The following ANKK1 variants were observed in gnomAD, a reference collection of about 807,000 sequenced individuals.
ANKK1 encodes the protein ankyrin repeat and kinase domain containing 1.
ANKK1 carries 37 observed loss-of-function variants against 37.6 expected under a neutral mutation model. The ratio of observed to expected loss-of-function variants is 0.98; its 90% confidence interval spans 0.76 to 1.29. The LOEUF (loss-of-function observed/expected upper bound fraction) is 1.29. ANKK1 is among the 50% of genes most tolerant of loss of function. The pLI is 0.00. For synonymous variants in ANKK1, 415 were observed against 418.7 expected (o/e 0.99, Z 0.11); for missense variants, 1,019 against 990.6 (o/e 1.03, Z -0.39).
At chr11:113,396,806 G>A (rs1950642619) in intron 5 of ANKK1, among the ~76,000 whole-genome samples, 1 of 152,302 alleles carries the variant, frequency 6.6e-6, no homozygotes, top group South Asian at 2.1e-4. Flanking sequence ...CACAGCATCT[G>A]GGCCTGGCCC....
chr11:113,394,133 T>C (rs376469341), intron 2 of ANKK1, among the ~76,000 whole-genome samples: 1 of 152,172 alleles, frequency 6.6e-6, no homozygotes, highest in African/African-American at 2.4e-5. Context: ...AAACTCTTTT[T>C]TGCCCCAGGA....
At chr11:113,394,090 G>A (rs1009846981) in intron 2 of ANKK1, among the ~76,000 whole-genome samples, 8 of 152,244 alleles carry the variant, frequency 5.3e-5, no homozygotes, top group Non-Finnish European at 8.8e-5. Flanking sequence ...CAATCCCTAA[G>A]AAAGGTTGTA....
At position 113,400,057 on chromosome 11, in the gene ANKK1, C is replaced by T; in HGVS notation, c.2088C>T (p.Ala696=). ...GCAACAAGGTGGGCTGGACACCCGCCCACCTGGCCGCCCTCAAGGGCAACA... is the reference window on the plus strand; with the variant it reads ...GCAACAAGGTGGGCTGGACACCCGCTCACCTGGCCGCCCTCAAGGGCAACA... ...HARNKVGWTP[A]HLAALKGNTA... The change falls in exon 8 of 8, where the codon GCC becomes GCT. Residue 696 remains alanine (A), a synonymous_variant. Coordinates refer to ENST00000303941, the MANE Select transcript of ANKK1 (RefSeq NM_178510.2). 1.2e-6 allele frequency: 2 copies of T among 1,613,506 alleles called. No homozygotes were observed. The highest frequency in any genetic ancestry group is 1.7e-6 in the Non-Finnish European group (2 of 1,179,812).
intron 1 of ANKK1, among the ~76,000 whole-genome samples, chr11:113,392,523 C>T (rs1376286042): frequency 6.6e-6 from 1 of 152,248 alleles, no homozygotes; most frequent in Non-Finnish European, 1.5e-5. Context: ...TCTCTGACTA[C>T]AGCACCATCA....
chr11:113,387,866 G>T lies in ANKK1; in HGVS notation c.-19G>T. The T allele has an allele frequency of 1.3e-5, 19 of 1,495,870 alleles. No homozygotes were observed. The highest frequency in any genetic ancestry group is 1.7e-5 in the Non-Finnish European group (19 of 1,121,216). The allele number at this position is 1,495,870 out of a possible 1,614,324, so 92.7% of individuals were successfully genotyped here. On this transcript the variant is annotated 5_prime_UTR_variant, in exon 1 of 8. Transcript: ENST00000303941. ...CCACAGCGGGGAGTGCGCGGCGCGG[G>T]GACAGGAAGAGAGGGGCAATGGCTG... is the stretch of plus-strand genomic sequence containing the variant.
intron 1 of ANKK1, 56 bp from the exon 2 acceptor site, chr11:113,393,425 T>TTCAGTTTA: frequency 6.5e-7 from 1 of 1,537,458 alleles, no homozygotes; most frequent in Non-Finnish European, 8.9e-7. Context: ...GTTCAGCTGG[T>TTCAGTTTA]TGCTGTAGTA....
chr11:113,394,065 C>T (rs1268882148), intron 2 of ANKK1, among the ~76,000 whole-genome samples: 4 of 152,122 alleles, frequency 2.6e-5, no homozygotes, highest in East Asian at 1.9e-4. Flanking sequence ...TGGATGGAGA[C>T]GTGTGTAAAT....
In ANKK1 at chr11:113,397,261, G is replaced by T. The variant is rs1271220776; in HGVS notation, c.876G>T (p.Leu292=). The change falls in exon 6 of 8, where the codon CTG becomes CTT. Residue 292 remains leucine, a synonymous_variant. Coordinates refer to ENST00000303941, the MANE Select transcript of ANKK1 (RefSeq NM_178510.2). Reference sequence around the variant, plus strand: ...AGACAGACATACTGCTGTCACTGCTGCAGAGTCGTGTGGCAGTCCCAGAGA... The same window carrying T: ...AGACAGACATACTGCTGTCACTGCTTCAGAGTCGTGTGGCAGTCCCAGAGA... ...TIETDILLSL[L]QSRVAVPESK... 4 of 1,611,388 alleles carry T rather than the reference G, an allele frequency of 2.5e-6. No individual in the cohort carries two copies. Among genetic ancestry groups the T allele is most frequent in the East Asian group, 2.2e-5 (1 of 44,890 alleles).
In ANKK1 at chr11:113,393,865, AG is replaced by A. The variant is rs2138128019; in HGVS notation, c.480+93del. 3.5e-6 allele frequency: 5 copies of A among 1,419,714 alleles called. No individual in the cohort carries two copies. In the South Asian group the frequency reaches 4.3e-5, roughly 12 times the overall value. 87.9% of individuals were successfully genotyped at this position (1,419,714 alleles called of 1,614,324 possible). A position where few individuals can be genotyped will look rare whatever the true frequency, so the allele number is the denominator to read the frequency against. On this transcript the variant is annotated intron_variant, in intron 2 of 7. Transcript: ENST00000303941. ...ATCCACCTGCCTGACCGGCCTGTCA[AG>A]GGTTTTAAGCAGTTCCCTTCATGGA...
rs1950665906 is a variant in ANKK1, at chr11:113,399,140, C to A, written c.1171C>A (p.Gln391Lys). 6.3e-7 allele frequency: 1 copy of A among 1,594,846 alleles called. No individual in the cohort carries two copies. Among genetic ancestry groups the A allele is most frequent in the Non-Finnish European group, 8.5e-7 (1 of 1,170,994 alleles). Reference sequence around the variant, plus strand: ...GGCCCACGAGGTAGACGTGGACTGCCAGACGGCCTCTGGATACACGCCCCT... The same window carrying A: ...GGCCCACGAGGTAGACGTGGACTGCAAGACGGCCTCTGGATACACGCCCCT... ...LLAHEVDVDCQTASGYTPLLI... is the reference protein window; with the variant it reads ...LLAHEVDVDCKTASGYTPLLI... Residue 391 changes from glutamine to lysine, a missense_variant, in exon 8 of 8, where the codon CAG becomes AAG. Coordinates refer to ENST00000303941, the MANE Select transcript of ANKK1 (RefSeq NM_178510.2).
rs376720069 is a variant in ANKK1, at chr11:113,396,271, G to A, written c.838+49G>A. On this transcript the variant is annotated intron_variant, in intron 5 of 7. Coordinates refer to ENST00000303941, the MANE Select transcript of ANKK1 (RefSeq NM_178510.2). ...CAGGGACTGGGAGCTGGGTGGGGCCGGGAGGGGAGATGACTGGGCACTCCT... is the reference window on the plus strand; with the variant it reads ...CAGGGACTGGGAGCTGGGTGGGGCCAGGAGGGGAGATGACTGGGCACTCCT... 97 of 1,601,774 alleles carry A rather than the reference G, an allele frequency of 6.1e-5. No homozygotes were observed. The African/African-American group carries it at 6.7e-4, about 11-fold the overall frequency.
In ANKK1 at chr11:113,400,001, C is replaced by T. The variant is rs200745528; in HGVS notation, c.2032C>T (p.Leu678Phe). ...GAGCACCTTCCTGAGTGTCATCAAC[C>T]TCCTAGAACATCACGCAAATGTCCA... ...QRSTFLSVIN[L>F]LEHHANVHAR... Residue 678 changes from leucine (L) to phenylalanine (F), a missense_variant, in exon 8 of 8, where the codon CTC becomes TTC. Leu to Phe is a conservative substitution (Grantham distance 22). Transcript: ENST00000303941. 9.3e-6 allele frequency: 15 copies of T among 1,613,496 alleles called. No individual in the cohort carries two copies. Among genetic ancestry groups the T allele is most frequent in the African/African-American group, 1.3e-5 (1 of 74,882 alleles).
chr11:113,388,075 G>T lies in ANKK1; in HGVS notation c.185+6G>T. 6.8e-7 allele frequency: 1 copy of T among 1,477,402 alleles called. No individual in the cohort carries two copies. The highest frequency in any genetic ancestry group is 9.0e-7 in the Non-Finnish European group (1 of 1,110,982). The allele number at this position is 1,477,402 out of a possible 1,614,324, so 91.5% of individuals were successfully genotyped here. A position where few individuals can be genotyped will look rare whatever the true frequency, so the allele number is the denominator to read the frequency against. On this transcript the variant is annotated splice_donor_region_variant and intron_variant, in intron 1 of 7. Transcript: ENST00000303941. ...CTTCCACCCGACGCCGCCAGGTACTGCCAGCCTCGCCCTCCCCTTTCTCGG... is the reference window on the plus strand; with the variant it reads ...CTTCCACCCGACGCCGCCAGGTACTTCCAGCCTCGCCCTCCCCTTTCTCGG...
intron 5 of ANKK1, 93 bp from the exon 6 acceptor site, chr11:113,397,131 G>T (rs1950645127): frequency 1.9e-6 from 2 of 1,029,122 alleles, no homozygotes; most frequent in Admixed American, 2.3e-5. Context: ...AATGGATTTT[G>T]GGAGACAGGA....
At chr11:113,395,976 C>A in intron 4 of ANKK1, 91 bp from the exon 5 acceptor site, 1 of 1,472,670 alleles carries the variant, frequency 6.8e-7, no homozygotes, top group Non-Finnish European at 9.3e-7. Flanking sequence ...CGTGCATGCC[C>A]TGTTGGGATC....
At chr11:113,389,399 C>CA (rs1357967751) in intron 1 of ANKK1, among the ~76,000 whole-genome samples, 6 of 152,122 alleles carry the variant, frequency 3.9e-5, no homozygotes, top group Non-Finnish European at 7.3e-5. Flanking sequence ...TTCATTCATC[C>CA]ACTTGACAAA....
At chr11:113,395,431 G>A in intron 4 of ANKK1, 23 bp downstream of exon 4, 1 of 1,613,486 alleles carries the variant, frequency 6.2e-7, no homozygotes, top group Non-Finnish European at 8.5e-7. Context: ...CTGTGGCTCT[G>A]TGTTGGGGGC....
Position 113,397,357 on chromosome 11 carries a change from T to G in ANKK1, c.957+15T>G, listed in dbSNP as rs1299338177. On this transcript the variant is annotated intron_variant, in intron 6 of 7. Coordinates refer to ENST00000303941, the MANE Select transcript of ANKK1 (RefSeq NM_178510.2). Reference sequence around the variant, plus strand: ...AGCCCGGGGAGGTGAGTGTGTGGGCTGGGCAGTCCTTATGGTCATGCTAAG... The same window carrying G: ...AGCCCGGGGAGGTGAGTGTGTGGGCGGGGCAGTCCTTATGGTCATGCTAAG... The G allele has an allele frequency of 1.2e-6, 2 of 1,601,768 alleles. No individual in the cohort carries two copies. Among genetic ancestry groups the G allele is most frequent in the Non-Finnish European group, 1.7e-6 (2 of 1,171,412 alleles).
intron 1 of ANKK1, among the ~76,000 whole-genome samples, chr11:113,388,750 C>G (rs904246087): frequency 6.6e-6 from 1 of 152,216 alleles, no homozygotes; most frequent in African/African-American, 2.4e-5. Context: ...CTCTTTCCTA[C>G]GTTTCCATTA....
Sources: gnomAD v4.1 joint callset for allele counts (sites outside exome capture counted in the v4.1 genomes callset) on GRCh38, gnomAD v4.1.1 for gene constraint, MANE v1.5 for transcripts, NCBI Gene and HGNC (gene_info 2026-07-23, HGNC 2026-07-21) for gene names.